The following EIF2S3B variants were observed in gnomAD, a reference collection of about 807,000 sequenced individuals.
EIF2S3B encodes eukaryotic translation initiation factor 2 subunit gamma B.
Under a neutral mutation model 26.4 loss-of-function variants are expected in EIF2S3B, and 16 were observed. That is an observed-to-expected ratio of 0.61 (90% confidence interval 0.41 to 0.92). EIF2S3B has a LOEUF of 0.92. Among genes scored for constraint, EIF2S3B ranks in the 40% least tolerant of loss-of-function variants. EIF2S3B has a pLI of 0.00. For missense variants in EIF2S3B, 510 were observed against 575.5 expected (o/e 0.89, Z 1.16); for synonymous variants, 183 against 204.4 (o/e 0.90, Z 0.89).
chr12:10,506,767 A>G lies in EIF2S3B; in HGVS notation c.865A>G (p.Lys289Glu), dbSNP rs774233462. 1.2e-6 allele frequency: 2 copies of G among 1,614,030 alleles called. No homozygotes were observed. Among genetic ancestry groups the G allele is most frequent in the Non-Finnish European group, 1.7e-6 (2 of 1,179,862 alleles). The change falls in exon 1 of 1, where the codon AAG (lysine) becomes GAG (glutamate). Residue 289 changes from lysine (K) to glutamate (E), a missense_variant. Lys to Glu is a moderately conservative substitution (Grantham distance 56). Transcript: ENST00000538173. ...TGGTAGTATCCTAAAAGGAGTATTA[A>G]AGGTGGGCCAGGAGACAGAAGTAAG... ...AGGSILKGVL[K>E]VGQETEVRPG... is the part of the protein sequence containing the mutation.
At chr12:10,520,937 A>T (rs1864824829) in intron 1 of EIF2S3B, among the ~76,000 whole-genome samples, 2 of 152,212 alleles carry the variant, frequency 1.3e-5, no homozygotes, top group Admixed American at 1.3e-4. Context: ...ATGTTTTAGA[A>T]CAGAGATCCT....
intron 1 of EIF2S3B, among the ~76,000 whole-genome samples, chr12:10,515,764 GTTATT>G (rs1323581014): frequency 2.6e-5 from 4 of 151,504 alleles, no homozygotes; most frequent in African/African-American, 9.7e-5. Context: ...AAAACTTAGT[GTTATT>G]TTATATATAA....
chr12:10,521,917 T>A (rs143473201), intron 1 of EIF2S3B, among the ~76,000 whole-genome samples: 193 of 152,342 alleles, frequency 1.3e-3, no homozygotes, highest in African/African-American at 4.5e-3. Flanking sequence ...ATCCTTGGTA[T>A]GCCACAAATT....
At chr12:10,518,362 C>A (rs570736922) in intron 1 of EIF2S3B, among the ~76,000 whole-genome samples, 1 of 152,122 alleles carries the variant, frequency 6.6e-6, no homozygotes, top group South Asian at 2.1e-4. Context: ...TAATGGCCTT[C>A]TTTGTGTCTT....
chr12:10,507,252 C>G lies in EIF2S3B; in HGVS notation c.1350C>G (p.His450Gln), dbSNP rs575897351. 1.2e-4 allele frequency: 190 copies of G among 1,613,834 alleles called. 1 individual carries two copies. The African/African-American group carries it at 2.0e-3, about 17-fold the overall frequency. Reference sequence around the variant, plus strand: ...CCCTTAGCCGAAGAGTTGAAAAACACTGGCGTTTAATTGGTTGGGGTCAGA... The same window carrying G: ...CCCTTAGCCGAAGAGTTGAAAAACAGTGGCGTTTAATTGGTTGGGGTCAGA... ...KIALSRRVEKHWRLIGWGQIR... is the reference protein window; with the variant it reads ...KIALSRRVEKQWRLIGWGQIR... Residue 450 changes from histidine (H) to glutamine (Q), a missense_variant, in exon 1 of 1, where the codon CAC (histidine) becomes CAG (glutamine). Coordinates refer to ENST00000538173, the MANE Select transcript of EIF2S3B (RefSeq NM_001357734.3).
At chr12:10,511,440 A>G (rs1388851513), downstream of EIF2S3B, among the ~76,000 whole-genome samples, 1 of 152,122 alleles carries the variant, frequency 6.6e-6, no homozygotes, top group Non-Finnish European at 1.5e-5. Context: ...TACAGGCATG[A>G]GCTACCGCAC....
chr12:10,519,351 A>T (rs1252041431), intron 1 of EIF2S3B, among the ~76,000 whole-genome samples: 3 of 151,858 alleles, frequency 2.0e-5, no homozygotes, highest in Non-Finnish European at 4.4e-5. Context: ...CTTATACAAA[A>T]ATTAATTCAA....
Position 10,507,477 on chromosome 12 carries a change from G to A in EIF2S3B, c.*156G>A. 2.4e-6 allele frequency: 2 copies of A among 845,828 alleles called. No individual in the cohort carries two copies. Among genetic ancestry groups the A allele is most frequent in the Non-Finnish European group, 1.8e-6 (1 of 555,874 alleles). The allele number at this position is 845,828 out of a possible 1,614,324, so 52.4% of individuals were successfully genotyped here. A position where few individuals can be genotyped will look rare whatever the true frequency, so the allele number is the denominator to read the frequency against. On this transcript the variant is annotated 3_prime_UTR_variant, in exon 1 of 1. Transcript: ENST00000538173. The stretch of plus-strand genomic sequence containing the variant: ...AAGGTTATTCTCTCTTTTTTTTTTT[G>A]GTTATGAAAACTTAGGGACTACAAT...
Position 10,507,659 on chromosome 12 carries a change from T to C in EIF2S3B, c.*338T>C, listed in dbSNP as rs1864655908. Reference sequence around the variant, plus strand: ...CTTTGTCACCTAGGCTGGCATGTAGTGGCATGATCTGCAATCTCTGCCTCC... The same window carrying C: ...CTTTGTCACCTAGGCTGGCATGTAGCGGCATGATCTGCAATCTCTGCCTCC... On this transcript the variant is annotated 3_prime_UTR_variant, in exon 1 of 1. Coordinates refer to ENST00000538173, the MANE Select transcript of EIF2S3B (RefSeq NM_001357734.3). 6.6e-6 allele frequency among the ~76,000 whole-genome samples: 1 copy of C among 152,184 alleles called. No homozygotes were observed.
chr12:10,510,966 G>A (rs1864698883), downstream of EIF2S3B, among the ~76,000 whole-genome samples: 1 of 152,018 alleles, frequency 6.6e-6, no homozygotes, highest in African/African-American at 2.4e-5. Context: ...TATGACAATA[G>A]GGTCTTCTTT....
At chr12:10,508,525 C>CATAAAAAAA (rs1864671228), downstream of EIF2S3B, among the ~76,000 whole-genome samples, 1 of 62,972 alleles carries the variant, frequency 1.6e-5, no homozygotes, top group Non-Finnish European at 2.9e-5. Context: ...TGTTAGAAAG[C>CATAAAAAAA]AAAAAAAAAA....
In EIF2S3B at chr12:10,506,421, C is replaced by A. The variant is rs531232460; in HGVS notation, c.519C>A (p.His173Gln). The change falls in exon 1 of 1, where the codon CAC (histidine) becomes CAA (glutamine). Residue 173 changes from histidine to glutamine, a missense_variant. By Grantham distance (24) the His-to-Gln change is conservative. Coordinates refer to ENST00000538173, the MANE Select transcript of EIF2S3B (RefSeq NM_001357734.3). ...GCCCTCAGCCTCAGACATCTGAACACCTGGCTGCTATAGAGATCATGAAAC... is the reference window on the plus strand; with the variant it reads ...GCCCTCAGCCTCAGACATCTGAACAACTGGCTGCTATAGAGATCATGAAAC... ...ESCPQPQTSEHLAAIEIMKLK... is the reference protein window; with the variant it reads ...ESCPQPQTSEQLAAIEIMKLK... 22 of 1,613,744 alleles carry A rather than the reference C, an allele frequency of 1.4e-5. No individual in the cohort carries two copies. The South Asian group carries it at 2.3e-4, about 17-fold the overall frequency.
At position 10,506,989 on chromosome 12, in the gene EIF2S3B, G is replaced by C; in HGVS notation, c.1087G>C (p.Ala363Pro). ...GGGGCAAATACTTGGTGCAGTCGGAGCTTTACCTGAGATATTCACAGAATT... is the reference window on the plus strand; with the variant it reads ...GGGGCAAATACTTGGTGCAGTCGGACCTTTACCTGAGATATTCACAGAATT... Reference protein sequence around the residue: ...MVGQILGAVGALPEIFTELEI... With the variant: ...MVGQILGAVGPLPEIFTELEI... Residue 363 changes from alanine to proline, a missense_variant, in exon 1 of 1, where the codon GCT (alanine) becomes CCT (proline). Physicochemically the swap from Ala to Pro is conservative, Grantham distance 27. Coordinates refer to ENST00000538173, the MANE Select transcript of EIF2S3B (RefSeq NM_001357734.3). 6.2e-7 allele frequency: 1 copy of C among 1,613,814 alleles called. No homozygotes were observed. The highest frequency in any genetic ancestry group is 1.1e-5 in the South Asian group (1 of 91,070).
downstream of EIF2S3B, among the ~76,000 whole-genome samples, chr12:10,513,271 G>A (rs532871951): frequency 1.3e-3 from 204 of 152,298 alleles, no homozygotes; most frequent in Non-Finnish European, 2.2e-3. Context: ...GCTCCTCTGG[G>A]AGAATCAAGG....
intron 1 of EIF2S3B, among the ~76,000 whole-genome samples, chr12:10,520,273 C>T (rs1864815942): frequency 6.7e-6 from 1 of 150,290 alleles, no homozygotes; most frequent in Admixed American, 6.7e-5. Context: ...AAAAACCAAA[C>T]ACCGCATGTT....
downstream of EIF2S3B, among the ~76,000 whole-genome samples, chr12:10,509,718 A>T (rs1864686734): frequency 6.6e-6 from 1 of 152,126 alleles, no homozygotes; most frequent in Admixed American, 6.5e-5. Flanking sequence ...TCATTTTGAT[A>T]GCAATAAAAA....
At chr12:10,515,338 C>T (rs1864744221) in intron 1 of EIF2S3B, among the ~76,000 whole-genome samples, 1 of 151,884 alleles carries the variant, frequency 6.6e-6, no homozygotes, top group African/African-American at 2.4e-5. Context: ...CAACTGAGCT[C>T]ATTGAAAGCT....
chr12:10,516,802 T>G (rs1019112389), intron 1 of EIF2S3B, among the ~76,000 whole-genome samples: 3 of 152,192 alleles, frequency 2.0e-5, no homozygotes, highest in Non-Finnish European at 4.4e-5. Flanking sequence ...CCTAATTTAT[T>G]GAGATTTTTT....
Position 10,517,606 on chromosome 12 carries a change from T to C in EIF2S3B, c.1309-4997T>C, listed in dbSNP as rs569716019. Among the ~76,000 whole-genome samples the C allele has an allele frequency of 1.0e-3, 157 of 152,252 alleles. 1 individual carries two copies. The Middle Eastern group carries it at 0.014, about 13-fold the overall frequency. The stretch of plus-strand genomic sequence containing the variant: ...TTTGAAGGGTTTTTTGTGCCTCTAT[T>C]TCCTTCAGTTCTGCTCTGATTTTAG... On this transcript the variant is annotated intron_variant, in intron 1 of 1. Coordinates refer to the EIF2S3B transcript ENST00000322446.
Sources: allele counts gnomAD v4.1 joint callset (sites outside exome capture counted in the v4.1 genomes callset), GRCh38; gene constraint gnomAD v4.1.1; transcripts MANE v1.5; gene names NCBI Gene and HGNC (gene_info 2026-07-23, HGNC 2026-07-21).